SLC16A9: variants seen among roughly 807,000 people sequenced by gnomAD.
SLC16A9 encodes monocarboxylate transporter 9.
In SLC16A9, 26 loss-of-function variants were observed where a neutral mutation model predicts 44.3. The ratio of observed to expected loss-of-function variants is 0.59; its 90% CI spans 0.43 to 0.81. The LOEUF (loss-of-function observed/expected upper bound fraction) is 0.81, where lower values mean the gene tolerates loss of function less well. Ranked by LOEUF, SLC16A9 falls within the 40% of genes least tolerant of loss-of-function variation. The probability of loss-of-function intolerance (pLI) is 0.00; values close to 1 mark genes in which losing one functional copy is unlikely to be tolerated. For synonymous variants in SLC16A9, 230 were observed against 225.1 expected, an observed-to-expected ratio of 1.02 and a Z score of -0.19; for missense variants, 559 against 595.8, an observed-to-expected ratio of 0.94 and a Z score of 0.64.
At chr10:59,673,363 C>T (rs577936323) in intron 2 of SLC16A9, among the ~76,000 whole-genome samples, 1 of 152,262 alleles carries the variant, frequency 6.6e-6, no homozygotes, top group East Asian at 1.9e-4. Flanking sequence ...TGGAATTGTT[C>T]TACATGTAAG....
intron 5 of SLC16A9, among the ~76,000 whole-genome samples, 184 bp downstream of exon 5, chr10:59,653,491 C>T (rs1311220707): frequency 6.9e-6 from 1 of 144,784 alleles, no homozygotes; most frequent in Non-Finnish European, 1.5e-5. Flanking sequence ...ACACAAATCC[C>T]AGAGCATGCA....
chr10:59,655,574 T>A (rs1346273922), intron 4 of SLC16A9, among the ~76,000 whole-genome samples: 1 of 152,162 alleles, frequency 6.6e-6, no homozygotes, highest in East Asian at 1.9e-4. Context: ...AATTACAAAG[T>A]ATGCTGGTTT....
intron 1 of SLC16A9, among the ~76,000 whole-genome samples, chr10:59,696,270 G>A (rs1027390601): frequency 6.6e-6 from 1 of 152,218 alleles, no homozygotes; most frequent in African/African-American, 2.4e-5. Context: ...CGCCTGACTG[G>A]TTTTCGTATT....
intron 3 of SLC16A9, among the ~76,000 whole-genome samples, chr10:59,667,414 T>C (rs1588969453): frequency 2.0e-5 from 3 of 152,234 alleles, no homozygotes; most frequent in Admixed American, 2.0e-4. Flanking sequence ...ATTAAAGAGA[T>C]TTGCAAACAT....
chr10:59,703,377 C>T (rs1840567352), intron 1 of SLC16A9, among the ~76,000 whole-genome samples: 1 of 152,200 alleles, frequency 6.6e-6, no homozygotes, highest in African/African-American at 2.4e-5. Flanking sequence ...ATCATGGCCT[C>T]CCGTGGTATG....
At chr10:59,659,005 ACT>A (rs1398943740) in intron 4 of SLC16A9, among the ~76,000 whole-genome samples, 36 of 152,210 alleles carry the variant, frequency 2.4e-4, no homozygotes, top group African/African-American at 8.7e-4. Context: ...TAAATTTACA[ACT>A]TTTGATAACT....
intron 1 of SLC16A9, among the ~76,000 whole-genome samples, chr10:59,686,801 A>T (rs1840144294): frequency 6.6e-6 from 1 of 152,156 alleles, no homozygotes; most frequent in South Asian, 2.1e-4. Context: ...TATAAAATCA[A>T]ATGGTAGATT....
intron 1 of SLC16A9, among the ~76,000 whole-genome samples, chr10:59,690,599 G>T (rs1042910108): frequency 6.6e-6 from 1 of 152,156 alleles, no homozygotes; most frequent in Non-Finnish European, 1.5e-5. Context: ...GGCCCGATAG[G>T]TTTGGTGGAG....
At chr10:59,665,167 C>A (rs183065193) in intron 3 of SLC16A9, among the ~76,000 whole-genome samples, 34 of 152,324 alleles carry the variant, frequency 2.2e-4, no homozygotes, top group Admixed American at 2.0e-3. Flanking sequence ...TTTTAAGAAT[C>A]TGACAACCCC....
intron 1 of SLC16A9, among the ~76,000 whole-genome samples, chr10:59,698,393 A>G (rs1281935949): frequency 6.6e-6 from 1 of 152,192 alleles, no homozygotes; most frequent in East Asian, 1.9e-4. Flanking sequence ...TGGCAATGCT[A>G]TTAACCCCAC....
chr10:59,671,583 G>T (rs1487395124), intron 3 of SLC16A9, among the ~76,000 whole-genome samples: 1 of 152,104 alleles, frequency 6.6e-6, no homozygotes, highest in Non-Finnish European at 1.5e-5. Flanking sequence ...CACAACAGCT[G>T]ATAGAACTCC....
chr10:59,685,830 G>T (rs1430359468), intron 1 of SLC16A9, among the ~76,000 whole-genome samples: 4 of 152,150 alleles, frequency 2.6e-5, no homozygotes, highest in Non-Finnish European at 5.9e-5. Flanking sequence ...GGATCATTGA[G>T]GCCAGGTATT....
chr10:59,654,655 T>G, intron 4 of SLC16A9, 66 bp from the exon 5 acceptor site: 1 of 1,326,208 alleles, frequency 7.5e-7, no homozygotes. Context: ...ATTTGTAATA[T>G]CACAATTCAA....
chr10:59,708,151 A>G (rs922253425), intron 1 of SLC16A9, among the ~76,000 whole-genome samples: 1 of 152,158 alleles, frequency 6.6e-6, no homozygotes, highest in African/African-American at 2.4e-5. Flanking sequence ...TGGTGGAGGG[A>G]GAGCGGGACT....
chr10:59,664,579 G>A (rs191153946), intron 3 of SLC16A9, among the ~76,000 whole-genome samples: 15 of 152,174 alleles, frequency 9.9e-5, no homozygotes, highest in African/African-American at 2.7e-4. Flanking sequence ...AATGAATAAC[G>A]CCAATGTAAA....
rs10466047 is a variant in SLC16A9, at chr10:59,653,606, G to A, written c.1351+69C>T. ...AAATCTGTGCTACTATTACAATCTG[G>A]ACCTCTATATCTGGAGATATGACAA... On this transcript the variant is annotated intron_variant, in intron 5 of 5. Coordinates refer to ENST00000395348, the MANE Select transcript of SLC16A9 (RefSeq NM_194298.3). 6.5e-3 allele frequency: 8,534 copies of A among 1,319,518 alleles called. 375 individuals are homozygous for A. The African/African-American group carries it at 0.1, about 16-fold the overall frequency. 81.7% of individuals were successfully genotyped at this position (1,319,518 alleles called of 1,614,324 possible).
At chr10:59,707,599 AAAC>A (rs1173570791) in intron 1 of SLC16A9, among the ~76,000 whole-genome samples, 4 of 151,716 alleles carry the variant, frequency 2.6e-5, no homozygotes, top group African/African-American at 4.8e-5. Context: ...AAAAAAAAAA[AAAC>A]AAAAGATAAA....
intron 4 of SLC16A9, among the ~76,000 whole-genome samples, chr10:59,659,072 A>T (rs1347591051): frequency 6.6e-6 from 1 of 152,244 alleles, no homozygotes; most frequent in Non-Finnish European, 1.5e-5. Context: ...AAATTTTGAT[A>T]AGAACTGTAC....
chr10:59,663,853 G>C (rs11006668), intron 4 of SLC16A9, among the ~76,000 whole-genome samples: 4,475 of 151,962 alleles, frequency 0.029, 209 homozygotes, highest in African/African-American at 0.1. Flanking sequence ...ATATCATAAA[G>C]ACAACTTTTC....
Sources: allele counts gnomAD v4.1 joint callset (sites outside exome capture counted in the v4.1 genomes callset), GRCh38; gene constraint gnomAD v4.1.1; transcripts MANE v1.5; gene names NCBI Gene and HGNC (gene_info 2026-07-23, HGNC 2026-07-21).